The following ATG14 variants were observed in gnomAD, a reference collection of about 807,000 sequenced individuals.
ATG14 encodes the protein beclin 1-associated autophagy-related key regulator.
In ATG14, 35 loss-of-function variants were observed where a neutral mutation model predicts 60.4. The ratio of observed to expected loss-of-function variants is 0.58; its 90% CI spans 0.44 to 0.77. The LOEUF is 0.77. Among genes scored for constraint, ATG14 ranks in the 30% least tolerant of loss-of-function variants. ATG14 has a pLI of 0.00. For missense variants in ATG14, 647 were observed against 626.3 expected, an observed-to-expected ratio of 1.03 and a Z score of -0.35; for synonymous variants, 234 against 228.8, an observed-to-expected ratio of 1.02 and a Z score of -0.21.
intron 1 of ATG14, among the ~76,000 whole-genome samples, chr14:55,402,451 G>A (rs1165924485): frequency 5.9e-5 from 9 of 152,058 alleles, no homozygotes; most frequent in Admixed American, 5.2e-4. Context: ...ACAGAGATGA[G>A]GAAAGATTCA....
At chr14:55,380,202 T>C (rs1020777275) in intron 7 of ATG14, among the ~76,000 whole-genome samples, 1 of 151,996 alleles carries the variant, frequency 6.6e-6, no homozygotes, top group African/African-American at 2.4e-5. Flanking sequence ...GAGCAGAGAT[T>C]GCGCCACTGC....
At chr14:55,409,546 G>A (rs1594786323) in intron 1 of ATG14, among the ~76,000 whole-genome samples, 1 of 147,868 alleles carries the variant, frequency 6.8e-6, no homozygotes, top group South Asian at 2.2e-4. Context: ...AGAGTCTAAC[G>A]TATGAGCAGG....
At chr14:55,403,648 C>T (rs1218188231) in intron 1 of ATG14, among the ~76,000 whole-genome samples, 1 of 151,790 alleles carries the variant, frequency 6.6e-6, no homozygotes, top group Non-Finnish European at 1.5e-5. Flanking sequence ...CATGAAAAGA[C>T]GTTTAGGTAT....
intron 1 of ATG14, among the ~76,000 whole-genome samples, chr14:55,409,965 A>G (rs953974813): frequency 6.6e-5 from 10 of 151,814 alleles, no homozygotes; most frequent in Non-Finnish European, 1.5e-5. Context: ...AAGATTTAAG[A>G]TAAGTTTTGA....
At chr14:55,391,078 G>T in intron 3 of ATG14, 86 bp from the exon 4 acceptor site, 2 of 850,640 alleles carry the variant, frequency 2.4e-6, no homozygotes, top group Non-Finnish European at 3.7e-6. Flanking sequence ...CTTATTTTCA[G>T]ATATGTCAGA....
In ATG14 at chr14:55,369,354, G is replaced by C. The variant is rs975623665; in HGVS notation, c.*265C>G. 8.2e-5 allele frequency: 23 copies of C among 280,752 alleles called. No individual in the cohort carries two copies. Among genetic ancestry groups the C allele is most frequent in the Admixed American group, 4.0e-4 (8 of 19,932 alleles). 17.4% of individuals were successfully genotyped at this position (280,752 alleles called of 1,614,324 possible). On this transcript the variant is annotated 3_prime_UTR_variant, in exon 10 of 10. Transcript: ENST00000247178. ...GCTTCCTTGGCAGAACTGGCCACAC[G>C]CACAGGTCCTCCTTCCACCAGCACT... is the stretch of plus-strand genomic sequence containing the variant.
At chr14:55,402,950 TATATATATATATATATATAA>T (rs746192354) in intron 1 of ATG14, among the ~76,000 whole-genome samples, 1,766 of 63,642 alleles carry the variant, frequency 0.028, 66 homozygotes, top group Non-Finnish European at 0.041. Flanking sequence ...TATATATATA[TATATATATATATATATATAA>T]ATAGCTGGGC....
chr14:55,402,893 C>CAA lies in ATG14; in HGVS notation c.222-5461_222-5460dup, dbSNP rs1165938421. ...GCAACATAGTAAGACTCCATCTCTACAAAAAAAAAAAAAAAAAAAAAAAAA... is the reference window on the plus strand; with the variant it reads ...GCAACATAGTAAGACTCCATCTCTACAAAAAAAAAAAAAAAAAAAAAAAAAAA... On this transcript the variant is annotated intron_variant, in intron 1 of 9. Coordinates refer to ENST00000247178, the MANE Select transcript of ATG14 (RefSeq NM_014924.5). Among the ~76,000 whole-genome samples the CAA allele has an allele frequency of 1.1e-3, 12 of 11,100 alleles. 4 individuals carry two copies. Among genetic ancestry groups the CAA allele is most frequent in the Non-Finnish European group, 1.9e-3 (12 of 6,334 alleles). The allele number at this position is 11,100 out of a possible 152,430, so 7.3% of individuals were successfully genotyped here. A position where few individuals can be genotyped will look rare whatever the true frequency, so the allele number is the denominator to read the frequency against.
intron 1 of ATG14, among the ~76,000 whole-genome samples, chr14:55,406,031 A>G (rs1417625491): frequency 1.3e-5 from 2 of 152,182 alleles, no homozygotes; most frequent in Non-Finnish European, 2.9e-5. Flanking sequence ...AACAACGACA[A>G]AAAAATAATG....
chr14:55,398,681 T>C (rs926848477), intron 1 of ATG14, among the ~76,000 whole-genome samples: 1 of 152,184 alleles, frequency 6.6e-6, no homozygotes, highest in Non-Finnish European at 1.5e-5. Flanking sequence ...GCTTTGCATA[T>C]GGTATGCCGT....
intron 5 of ATG14, among the ~76,000 whole-genome samples, chr14:55,382,927 C>T (rs183545101): frequency 1.9e-3 from 285 of 152,140 alleles, no homozygotes; most frequent in Admixed American, 3.9e-3. Flanking sequence ...ACCAATAAAC[C>T]TATTATACAT....
intron 3 of ATG14, chr14:55,395,263 G>A (rs746585944): frequency 5.9e-6 from 2 of 337,568 alleles, no homozygotes; most frequent in South Asian, 2.7e-5. Flanking sequence ...TGTGCCAAGC[G>A]CCTGCGAGGC....
At chr14:55,397,230 G>A in intron 2 of ATG14, 142 bp downstream of exon 2, 1 of 756,206 alleles carries the variant, frequency 1.3e-6, no homozygotes, top group Non-Finnish European at 2.3e-6. Context: ...TCTCCCACAT[G>A]CACTCCTTTC....
intron 7 of ATG14, 29 bp from the exon 8 acceptor site, chr14:55,378,103 T>G (rs369860269): frequency 1.7e-4 from 274 of 1,589,164 alleles, no homozygotes; most frequent in Non-Finnish European, 2.2e-4. Context: ...ATTTATAAAG[T>G]TGCATTTTTT....
intron 1 of ATG14, among the ~76,000 whole-genome samples, chr14:55,406,841 T>C (rs1431727042): frequency 6.6e-6 from 1 of 152,232 alleles, no homozygotes; most frequent in Non-Finnish European, 1.5e-5. Context: ...TCTTTTTTAT[T>C]CTAAATTTTG....
chr14:55,387,942 A>G (rs1262659856), intron 4 of ATG14, among the ~76,000 whole-genome samples: 1 of 152,162 alleles, frequency 6.6e-6, no homozygotes, highest in African/African-American at 2.4e-5. Flanking sequence ...GATTATAGGC[A>G]TGAGCCACTG....
intron 7 of ATG14, among the ~76,000 whole-genome samples, chr14:55,379,146 G>C (rs1177732326): frequency 1.3e-5 from 2 of 152,210 alleles, no homozygotes; most frequent in Non-Finnish European, 2.9e-5. Flanking sequence ...TGTCACCAAT[G>C]TACCCTCCAG....
At chr14:55,402,938 T>A (rs1885429580) in intron 1 of ATG14, among the ~76,000 whole-genome samples, 12 of 33,250 alleles carry the variant, frequency 3.6e-4, no homozygotes, top group African/African-American at 4.6e-4. Context: ...TATATATATA[T>A]ATATATATAT....
intron 1 of ATG14, among the ~76,000 whole-genome samples, chr14:55,409,898 A>G (rs1357496725): frequency 2.0e-5 from 3 of 152,252 alleles, no homozygotes; most frequent in East Asian, 3.8e-4. Context: ...AAGCAGAGAC[A>G]TAAGAGGAAA....
Sources: gnomAD v4.1 joint callset for allele counts (sites outside exome capture counted in the v4.1 genomes callset) on GRCh38, gnomAD v4.1.1 for gene constraint, MANE v1.5 for transcripts, NCBI Gene and HGNC (gene_info 2026-07-23, HGNC 2026-07-21) for gene names.